Variants in MARCHF3 observed in about 807,000 individuals in gnomAD.
MARCHF3 encodes E3 ubiquitin-protein ligase MARCHF3.
MARCHF3 carries 13 observed loss-of-function variants against 24.2 expected under a neutral mutation model. That is an observed-to-expected ratio of 0.54 (90% CI 0.35 to 0.85). The LOEUF (loss-of-function observed/expected upper bound fraction) is 0.85, where lower values mean the gene tolerates loss of function less well. Among genes scored for constraint, MARCHF3 ranks in the 40% least tolerant of loss-of-function variants. The pLI, the probability that MARCHF3 is intolerant of heterozygous loss-of-function variation, is 0.01. For missense variants in MARCHF3, 276 were observed against 325.0 expected, an observed-to-expected ratio of 0.85 and a Z score of 1.16; for synonymous variants, 144 against 137.3, an observed-to-expected ratio of 1.05 and a Z score of -0.34.
chr5:126,895,341 C>T (rs762789126), intron 3 of MARCHF3, among the ~76,000 whole-genome samples: 13 of 152,126 alleles, frequency 8.5e-5, no homozygotes, highest in Non-Finnish European at 1.3e-4. Context: ...AGCTTTGTTC[C>T]GTTGCTGGTG....
chr5:127,025,915 G>A (rs572515772), intron 1 of MARCHF3, among the ~76,000 whole-genome samples: 16 of 152,116 alleles, frequency 1.1e-4, no homozygotes, highest in Admixed American at 1.0e-3. Context: ...GGGGCATTTC[G>A]GAGGAGAAAT....
At chr5:126,897,316 G>A (rs1363534010) in intron 3 of MARCHF3, among the ~76,000 whole-genome samples, 1 of 151,882 alleles carries the variant, frequency 6.6e-6, no homozygotes, top group Non-Finnish European at 1.5e-5. Flanking sequence ...TGAGATTACA[G>A]GCATGAGCCA....
At chr5:126,900,659 T>C (rs1286795145) in intron 3 of MARCHF3, among the ~76,000 whole-genome samples, 1 of 151,920 alleles carries the variant, frequency 6.6e-6, no homozygotes, top group African/African-American at 2.4e-5. Flanking sequence ...CTAGGTGTGG[T>C]GGAAAGAACG....
chr5:126,883,318 G>A (rs866825404), intron 3 of MARCHF3, among the ~76,000 whole-genome samples: 59 of 152,280 alleles, frequency 3.9e-4, no homozygotes, highest in African/African-American at 1.3e-3. Context: ...GCAACCAAGG[G>A]CACCCTTCTG....
intron 1 of MARCHF3, among the ~76,000 whole-genome samples, chr5:127,023,654 C>T (rs960551688): frequency 1.3e-5 from 2 of 151,576 alleles, no homozygotes; most frequent in African/African-American, 4.9e-5. Context: ...ATCACTTGAA[C>T]CAGGAGGTGG....
intron 1 of MARCHF3, among the ~76,000 whole-genome samples, chr5:127,010,263 A>G (rs926915275): frequency 1.3e-5 from 2 of 152,212 alleles, no homozygotes; most frequent in Non-Finnish European, 2.9e-5. Context: ...AAAGGTTTAG[A>G]TATTTATTAG....
intron 1 of MARCHF3, among the ~76,000 whole-genome samples, chr5:127,029,632 G>C (rs527483781): frequency 1.3e-5 from 2 of 152,174 alleles, no homozygotes; most frequent in South Asian, 4.2e-4. Context: ...AACACCAACC[G>C]ACCAGGCTGG....
At chr5:126,962,041 T>A (rs1750654603) in intron 1 of MARCHF3, among the ~76,000 whole-genome samples, 1 of 152,176 alleles carries the variant, frequency 6.6e-6, no homozygotes, top group Non-Finnish European at 1.5e-5. Flanking sequence ...CTGCAAAACT[T>A]AACATAAATA....
chr5:126,933,545 C>T (rs1396785016), intron 1 of MARCHF3, among the ~76,000 whole-genome samples: 2 of 151,492 alleles, frequency 1.3e-5, no homozygotes, highest in African/African-American at 2.4e-5. Context: ...CCTGGGTTCA[C>T]GCCATTCTCC....
intron 1 of MARCHF3, among the ~76,000 whole-genome samples, chr5:126,930,930 G>C (rs951280967): frequency 6.6e-6 from 1 of 152,322 alleles, no homozygotes; most frequent in Non-Finnish European, 1.5e-5. Flanking sequence ...TATTAAAACA[G>C]AGTAATAATG....
intron 1 of MARCHF3, among the ~76,000 whole-genome samples, chr5:126,992,766 A>ATTTTTTTT (rs757479478): frequency 1.7e-4 from 16 of 95,500 alleles, no homozygotes; most frequent in South Asian, 4.0e-4. Context: ...CATCCACGTG[A>ATTTTTTTT]TTTTTTTTTT....
In MARCHF3 at chr5:126,869,678, G is replaced by T. The variant is rs79690422; in HGVS notation, c.*955C>A. 1 of 140,660 alleles carries T rather than the reference G, an allele frequency of 7.1e-6. No individual in the cohort carries two copies. The highest frequency in any genetic ancestry group is 7.7e-5 in the Admixed American group (1 of 13,018). 8.7% of individuals were successfully genotyped at this position (140,660 alleles called of 1,614,324 possible). A position where few individuals can be genotyped will look rare whatever the true frequency, so the allele number is the denominator to read the frequency against. Reference sequence around the variant, plus strand: ...TAATTGACATGCAAAACAGGTCTAGGGTTCCTAGAAATGTCTAATGATCCT... The same window carrying T: ...TAATTGACATGCAAAACAGGTCTAGTGTTCCTAGAAATGTCTAATGATCCT... On this transcript the variant is annotated 3_prime_UTR_variant, in exon 5 of 5. Transcript: ENST00000308660.
In MARCHF3 at chr5:126,886,108, T is replaced by C. The variant is rs895523188; in HGVS notation, c.394-7714A>G. On this transcript the variant is annotated intron_variant, in intron 3 of 4. Transcript: ENST00000308660. ...TACAACTCCAATTCAACCAAAAATA[T>C]GTACTGAGTGCCTACGATCTACCAG... Among the ~76,000 whole-genome samples the C allele has an allele frequency of 3.9e-5, 6 of 152,148 alleles. No homozygotes were observed. In the East Asian group the frequency reaches 1.2e-3, roughly 29 times the overall value.
intron 1 of MARCHF3, among the ~76,000 whole-genome samples, chr5:126,933,516 C>T (rs1248828237): frequency 1.3e-5 from 2 of 150,826 alleles, no homozygotes; most frequent in Non-Finnish European, 2.9e-5. Context: ...GCGATCTCGG[C>T]TCACTGCAAG....
intron 3 of MARCHF3, among the ~76,000 whole-genome samples, chr5:126,907,165 G>C (rs1003597945): frequency 3.3e-5 from 5 of 150,676 alleles, no homozygotes; most frequent in Non-Finnish European, 7.4e-5. Flanking sequence ...TAGTTTGATT[G>C]CACTGTGGTC....
At chr5:126,889,979 A>C (rs529725853) in intron 3 of MARCHF3, among the ~76,000 whole-genome samples, 1 of 152,182 alleles carries the variant, frequency 6.6e-6, no homozygotes, top group East Asian at 1.9e-4. Flanking sequence ...GCATCCTCAC[A>C]TCTAGATTAG....
intron 3 of MARCHF3, among the ~76,000 whole-genome samples, chr5:126,910,594 C>CGCCTGTCTTTACTGCAGTTTCCTAT: frequency 6.6e-6 from 1 of 152,272 alleles, no homozygotes. Context: ...TAATTTCTTA[C>CGCCTGTCTTTACTGCAGTTTCCTAT]GCCTGTCTTT....
At chr5:126,943,995 T>C (rs941724899) in intron 1 of MARCHF3, among the ~76,000 whole-genome samples, 1 of 151,914 alleles carries the variant, frequency 6.6e-6, no homozygotes, top group African/African-American at 2.4e-5. Context: ...GTATTTTTAA[T>C]AGAGACAGGG....
intron 1 of MARCHF3, among the ~76,000 whole-genome samples, chr5:126,959,066 T>C (rs1276707507): frequency 4.6e-5 from 7 of 152,154 alleles, no homozygotes; most frequent in Middle Eastern, 3.2e-3. Context: ...ACACTGACCA[T>C]AAGGAAGTGG....
Sources: gnomAD v4.1 joint callset for allele counts (sites outside exome capture counted in the v4.1 genomes callset) on GRCh38, gnomAD v4.1.1 for gene constraint, MANE v1.5 for transcripts, NCBI Gene and HGNC (gene_info 2026-07-23, HGNC 2026-07-21) for gene names.